Variants in PRPF8 observed in about 807,000 individuals in gnomAD.
PRPF8 encodes the protein pre-mRNA processing factor 8.
A neutral mutation model predicts 285.9 loss-of-function variants in PRPF8; 64 were observed. The observed-to-expected ratio is 0.22, with a 90% CI of 0.18 to 0.28. The LOEUF is 0.28. PRPF8 is among the 10% of genes least tolerant of loss of function. The pLI is 1.00. For missense variants in PRPF8, 1,426 were observed against 3,026.7 expected (o/e 0.47, Z 12.41); for synonymous variants, 1,325 against 1,118.2 (o/e 1.18, Z -3.69).
In PRPF8 at chr17:1,679,143, C is replaced by T; in HGVS notation, c.1473G>A (p.Glu491=). 6.2e-7 allele frequency: 1 copy of T among 1,614,188 alleles called. No individual in the cohort carries two copies. The highest frequency in any genetic ancestry group is 8.5e-7 in the Non-Finnish European group (1 of 1,180,032). The change falls in exon 11 of 43, where the codon GAG becomes GAA. Residue 491 remains glutamate, a synonymous_variant. Transcript: ENST00000304992. The surrounding 1 kb of genome is among the most constrained non-coding windows in gnomAD (Gnocchi z 4.7). ...FFQSTKLDWV[E]VGLQVCRQGY... ...CCTGGCGGCAAACCTGGAGCCCAAC[C>T]TCCACCCAGTCCAGCTTTGTGGACT...
chr17:1,669,233 A>G (rs1487236232), intron 24 of PRPF8, among the ~76,000 whole-genome samples: 2 of 152,114 alleles, frequency 1.3e-5, no homozygotes, highest in African/African-American at 4.8e-5. Context: ...CAGCCTCCCG[A>G]GTAGCTGAGA....
At position 1,681,539 on chromosome 17, in the gene PRPF8, G is replaced by A; in HGVS notation, c.805C>T (p.Leu269Phe). The change falls in exon 6 of 43, where the codon CTC becomes TTC. Residue 269 changes from leucine (L) to phenylalanine (F), a missense_variant. Coordinates refer to ENST00000304992, the MANE Select transcript of PRPF8 (RefSeq NM_006445.4). The part of the protein sequence containing the change: ...DLKAFFTSKA[L>F]NMAIPGGPKF... Reference sequence around the variant, plus strand: ...GGGCCTCCAGGAATGGCCATATTGAGTGCCTTGGACGTAAAGAAGGCCTTC... The same window carrying A: ...GGGCCTCCAGGAATGGCCATATTGAATGCCTTGGACGTAAAGAAGGCCTTC... 1 of 1,613,414 alleles carries A rather than the reference G, an allele frequency of 6.2e-7. No individual in the cohort carries two copies. The highest frequency in any genetic ancestry group is 8.5e-7 in the Non-Finnish European group (1 of 1,179,368).
In PRPF8 at chr17:1,675,462, C is replaced by A; in HGVS notation, c.2873-123G>T. ...TGATTCCACGTATTCATTTGGATTG[C>A]TTTGACTATGGGCTTTTCCTCAGTT... On this transcript the variant is annotated intron_variant, in intron 19 of 42. Transcript: ENST00000304992. The surrounding 1 kb of genome is among the most constrained non-coding windows in gnomAD (Gnocchi z 6.0). The A allele has an allele frequency of 6.9e-7, 1 of 1,451,626 alleles. No individual in the cohort carries two copies. Among genetic ancestry groups the A allele is most frequent in the Non-Finnish European group, 9.6e-7 (1 of 1,037,386 alleles). 89.9% of individuals were successfully genotyped at this position (1,451,626 alleles called of 1,614,324 possible). A position where few individuals can be genotyped will look rare whatever the true frequency, so the allele number is the denominator to read the frequency against.
chr17:1,664,028 A>T (rs554649909), intron 24 of PRPF8, among the ~76,000 whole-genome samples: 19 of 152,310 alleles, frequency 1.2e-4, no homozygotes, highest in Non-Finnish European at 2.8e-4. Context: ...TCACAGCTGT[A>T]GTTGGATCTT....
rs1191614568 is a variant in PRPF8, at chr17:1,681,051, A to G, written c.870T>C (p.Asp290=). The G allele has an allele frequency of 4.3e-6, 7 of 1,613,128 alleles. No homozygotes were observed. In the African/African-American group the frequency reaches 6.7e-5, roughly 15 times the overall value. The change falls in exon 7 of 43, where the codon GAT becomes GAC. Residue 290 remains aspartate, a synonymous_variant. Coordinates refer to ENST00000304992, the MANE Select transcript of PRPF8 (RefSeq NM_006445.4). ...TATCATTGAATTCATTCCAGTCTTC[A>G]TCCCTAGGGTACAACATCAAGAATA... ...EPLVRDINLQ[D]EDWNEFNDIN...
chr17:1,655,588 C>A (rs1303229036), intron 36 of PRPF8, 45 bp from the exon 37 acceptor site: 1 of 1,502,004 alleles, frequency 6.7e-7, no homozygotes, highest in Admixed American at 1.7e-5. Flanking sequence ...CTGCTTGAGG[C>A]TCTCCCACTT....
chr17:1,651,747 G>T lies in PRPF8; in HGVS notation c.6411C>A (p.Pro2137=). ...CAATGCAGCGGATCTCCTTCACCTG[G>T]GGGTTATCTGGTGGGCTCACCCCAT... The part of the protein sequence containing the change: ...YLYGVSPPDN[P]QVKEIRCIVM... Residue 2137 remains proline, a synonymous_variant, in exon 40 of 43, where the codon CCC becomes CCA. Transcript: ENST00000304992. This position sits in a 1 kb window ranked among gnomAD's most constrained non-coding sequence, Gnocchi z 5.1. 6.2e-7 allele frequency: 1 copy of T among 1,614,150 alleles called. No homozygotes were observed. Among genetic ancestry groups the T allele is most frequent in the Non-Finnish European group, 8.5e-7 (1 of 1,180,032 alleles).
chr17:1,666,145 G>A (rs1189222305), intron 24 of PRPF8, among the ~76,000 whole-genome samples: 7 of 149,734 alleles, frequency 4.7e-5, no homozygotes, highest in South Asian at 2.1e-4. Context: ...CAACCTGAGT[G>A]ACAGGGCGAG....
Position 1,679,511 on chromosome 17 carries a change from AAAAAAG to A in PRPF8, c.1289+92_1289+97del. ...GTCTACCATTTTTATGGGAAAAAAAAAAAAAGAATTTAAAAAAAAGGCTACATGCCC... is the reference window on the plus strand; with the variant it reads ...GTCTACCATTTTTATGGGAAAAAAAAAATTTAAAAAAAAGGCTACATGCCC... On this transcript the variant is annotated intron_variant, in intron 9 of 42. Transcript: ENST00000304992. The surrounding 1 kb of genome is among the most constrained non-coding windows in gnomAD (Gnocchi z 4.7). 6.3e-7 allele frequency: 1 copy of A among 1,593,148 alleles called. No homozygotes were observed. The highest frequency in any genetic ancestry group is 1.2e-5 in the South Asian group (1 of 86,444).
At chr17:1,684,421 G>T (rs780227143) in intron 2 of PRPF8, 51 bp downstream of exon 2, 2 of 1,594,814 alleles carry the variant, frequency 1.3e-6, no homozygotes, top group African/African-American at 1.3e-5. Context: ...CTGCGCGCGC[G>T]CACACCCGCC....
At position 1,673,558 on chromosome 17, in the gene PRPF8, C is replaced by T. The variant is rs766093345; in HGVS notation, c.3456G>A (p.Ala1152=). 11 of 1,613,944 alleles carry T rather than the reference C, an allele frequency of 6.8e-6. No homozygotes were observed. The highest frequency in any genetic ancestry group is 5.3e-5 in the African/African-American group (4 of 74,904). The change falls in exon 23 of 43, where the codon GCG becomes GCA. Residue 1152 remains alanine (A), a synonymous_variant. Transcript: ENST00000304992. The surrounding 1 kb of genome is among the most constrained non-coding windows in gnomAD (Gnocchi z 5.5). ...LMKHDVNLGR[A]VFWDIKNRLP... is the part of the protein sequence containing the mutation. ...AGCGGTTCTTGATGTCCCAGAATAC[C>T]GCCCGGCCTCTGCCCACAGAGAACA...
At position 1,658,452 on chromosome 17, in the gene PRPF8, G is replaced by C; in HGVS notation, c.5377-71C>G. Reference sequence around the variant, plus strand: ...CCATCCTGCCTTCTTCCCAGCATGTGTACACACTTAGCCCATTACTCTCCC... The same window carrying C: ...CCATCCTGCCTTCTTCCCAGCATGTCTACACACTTAGCCCATTACTCTCCC... On this transcript the variant is annotated intron_variant, in intron 33 of 42. Coordinates refer to ENST00000304992, the MANE Select transcript of PRPF8 (RefSeq NM_006445.4). The surrounding 1 kb of genome is among the most constrained non-coding windows in gnomAD (Gnocchi z 4.1). 6.2e-7 allele frequency: 1 copy of C among 1,613,978 alleles called. No homozygotes were observed. Among genetic ancestry groups the C allele is most frequent in the Non-Finnish European group, 8.5e-7 (1 of 1,179,872 alleles).
chr17:1,661,141 A>T lies in PRPF8; in HGVS notation c.4360T>A (p.Trp1454Arg), dbSNP rs1911660656. ...CCATCATGCCGCTGGTGTGTCCACC[A>T]GAACGGATTCTGCTTCAAAACCTAG... is the stretch of plus-strand genomic sequence containing the variant. ...QYQVLKQNPF[W>R]WTHQRHDGKL... Residue 1454 changes from tryptophan to arginine, a missense_variant, in exon 28 of 43, where the codon TGG (tryptophan) becomes AGG (arginine). Coordinates refer to ENST00000304992, the MANE Select transcript of PRPF8 (RefSeq NM_006445.4). The surrounding 1 kb of genome is among the most constrained non-coding windows in gnomAD (Gnocchi z 7.3). 1 of 1,614,088 alleles carries T rather than the reference A, an allele frequency of 6.2e-7. No homozygotes were observed. The highest frequency in any genetic ancestry group is 8.5e-7 in the Non-Finnish European group (1 of 1,180,044).
Position 1,651,575 on chromosome 17 carries a change from G to A in PRPF8, c.6511-22C>T, listed in dbSNP as rs757542343. 6 of 1,614,110 alleles carry A rather than the reference G, an allele frequency of 3.7e-6. No individual in the cohort carries two copies. The highest frequency in any genetic ancestry group is 2.2e-5 in the East Asian group (1 of 44,884). The stretch of plus-strand genomic sequence containing the variant: ...TCTCCTATAGGTAAAGAGGAGTACA[G>A]AGCTGAATCCCATCCACAGACAGGA... On this transcript the variant is annotated intron_variant, in intron 40 of 42. Coordinates refer to ENST00000304992, the MANE Select transcript of PRPF8 (RefSeq NM_006445.4). This position sits in a 1 kb window ranked among gnomAD's most constrained non-coding sequence, Gnocchi z 5.1.
Position 1,653,769 on chromosome 17 carries a change from G to A in PRPF8, c.6227+8C>T, listed in dbSNP as rs369076508. ...CCTTTCCATCCCCACCCTCTTGCCC[G>A]ACAGTACCTGACCCTCCACTCAGTC... On this transcript the variant is annotated splice_region_variant and intron_variant, in intron 38 of 42. Transcript: ENST00000304992. This position sits in a 1 kb window ranked among gnomAD's most constrained non-coding sequence, Gnocchi z 4.9. The A allele has an allele frequency of 2.0e-4, 315 of 1,614,088 alleles. 1 individual carries two copies. In the African/African-American group the frequency reaches 3.3e-3, roughly 17 times the overall value.
At position 1,660,497 on chromosome 17, in the gene PRPF8, T is replaced by C. The variant is rs1483423776; in HGVS notation, c.4720A>G (p.Ile1574Val). ...GKIPTLKISL[I>V]QIFRAHLWQK... ...CACAAGTGAGCTCGGAAGATCTGGA[T>C]GAGAGAGATCTTCAGCGTGGGGATC... Residue 1574 changes from isoleucine (I) to valine (V), a missense_variant, in exon 30 of 43, where the codon ATC becomes GTC. This residue lies in a region of PRPF8 where 15 missense variants were observed against 63.7 expected (regional missense o/e 0.24). Coordinates refer to ENST00000304992, the MANE Select transcript of PRPF8 (RefSeq NM_006445.4). The C allele has an allele frequency of 6.2e-7, 1 of 1,614,168 alleles. No homozygotes were observed. The highest frequency in any genetic ancestry group is 8.5e-7 in the Non-Finnish European group (1 of 1,180,026).
intron 34 of PRPF8, among the ~76,000 whole-genome samples, chr17:1,657,969 TAAAAA>T (rs58695090): frequency 1.1e-4 from 10 of 94,042 alleles, no homozygotes; most frequent in African/African-American, 1.6e-4. Flanking sequence ...AGACTCCGGC[TAAAAA>T]AAAAAAAAAA....
chr17:1,658,637 T>C lies in PRPF8; in HGVS notation c.5265A>G (p.Ser1755=). 1.2e-6 allele frequency: 2 copies of C among 1,614,218 alleles called. No homozygotes were observed. Among genetic ancestry groups the C allele is most frequent in the Non-Finnish European group, 1.7e-6 (2 of 1,180,036 alleles). Residue 1755 remains serine (S), a synonymous_variant, in exon 33 of 43, where the codon TCA becomes TCG. Transcript: ENST00000304992. The surrounding 1 kb of genome is among the most constrained non-coding windows in gnomAD (Gnocchi z 4.1). ...ERIRKGLQLY[S]SEPTEPYLSS... is the part of the protein sequence containing the mutation. ...ACAAATAAGGCTCAGTGGGTTCAGATGAATAGAGCTGTAGCCCCTTGCGGA... is the reference window on the plus strand; with the variant it reads ...ACAAATAAGGCTCAGTGGGTTCAGACGAATAGAGCTGTAGCCCCTTGCGGA...
rs1267594390 is a variant in PRPF8 at position 1,676,556 on chromosome 17, G to A, written c.2337C>T (p.Leu779=). Reference sequence around the variant, plus strand: ...GTTCTGCCTTCAGATAGAGCCGGGTGAGGCGGCCCAGATTCTTTTTACAAA... The same window carrying A: ...GTTCTGCCTTCAGATAGAGCCGGGTAAGGCGGCCCAGATTCTTTTTACAAA... The part of the protein sequence containing the change: ...KTVCKKNLGR[L]TRLYLKAEQE... The change falls in exon 16 of 43, where the codon CTC becomes CTT. Residue 779 remains leucine, a synonymous_variant. Transcript: ENST00000304992. The surrounding 1 kb of genome is among the most constrained non-coding windows in gnomAD (Gnocchi z 6.3). 3.7e-6 allele frequency: 6 copies of A among 1,614,046 alleles called. No homozygotes were observed. The highest frequency in any genetic ancestry group is 2.5e-6 in the Non-Finnish European group (3 of 1,180,040).
Sources: gnomAD v4.1 joint callset for allele counts (sites outside exome capture counted in the v4.1 genomes callset) on GRCh38, gnomAD v4.1.1 for gene constraint, gnomAD v4.1.1 regional missense constraint, Gnocchi (gnomAD v3.1) non-coding constraint, MANE v1.5 for transcripts, NCBI Gene and HGNC (gene_info 2026-07-23, HGNC 2026-07-21) for gene names.